The following KCNQ5 variants were observed in gnomAD, a reference collection of about 807,000 sequenced individuals.
The protein encoded by KCNQ5 is potassium voltage-gated channel subfamily Q member 5.
A neutral mutation model predicts 98.2 loss-of-function variants in KCNQ5; 30 were observed. That is an observed-to-expected ratio of 0.31 (90% CI 0.23 to 0.41). KCNQ5 has a LOEUF of 0.41. Ranked by LOEUF, KCNQ5 falls within the 10% of genes least tolerant of loss-of-function variation. KCNQ5 has a pLI of 1.00. For missense variants in KCNQ5, 835 were observed against 1,182.5 expected (o/e 0.71, Z 4.31); for synonymous variants, 458 against 449.4 (o/e 1.02, Z -0.24).
chr6:72,756,937 G>T (rs1216360861), intron 1 of KCNQ5, among the ~76,000 whole-genome samples: 1 of 151,936 alleles, frequency 6.6e-6, no homozygotes, highest in Non-Finnish European at 1.5e-5. Context: ...ATAGTTTTAG[G>T]ATTCTCTACA....
chr6:73,133,636 T>C lies in KCNQ5; in HGVS notation c.1463T>C (p.Ile488Thr). 2 of 1,614,166 alleles carry C rather than the reference T, an allele frequency of 1.2e-6. No homozygotes were observed. The highest frequency in any genetic ancestry group is 2.2e-5 in the South Asian group (2 of 91,084). Residue 488 changes from isoleucine to threonine, a missense_variant, in exon 10 of 14, where the codon ATA becomes ACA. This residue lies in a region of KCNQ5 where 146 missense variants were observed against 256.7 expected (regional missense o/e 0.57). Transcript: ENST00000370398. ...AAAAGTTCTCAGCCAAAACCAGTGA[T>C]AGATGGTAAGCCCTGTTTTTCCATA... ...RLKSSQPKPV[I>T]DADTALGTDD...
intron 3 of KCNQ5, among the ~76,000 whole-genome samples, chr6:73,067,869 T>C (rs1258245313): frequency 4.2e-3 from 2 of 480 alleles, no homozygotes; most frequent in Non-Finnish European, 0.023. Flanking sequence ...AAAAGATATA[T>C]ATATATATAT....
intron 1 of KCNQ5, among the ~76,000 whole-genome samples, chr6:72,815,774 A>T (rs1022685231): frequency 1.3e-5 from 2 of 152,192 alleles, no homozygotes; most frequent in East Asian, 1.9e-4. Context: ...GATAAAATTG[A>T]TATGACTCAT....
At chr6:73,087,295 A>G (rs1774026979) in intron 5 of KCNQ5, among the ~76,000 whole-genome samples, 1 of 152,196 alleles carries the variant, frequency 6.6e-6, no homozygotes, top group Non-Finnish European at 1.5e-5. Context: ...ACTTGCTGAT[A>G]GATTCCGTGG....
intron 1 of KCNQ5, among the ~76,000 whole-genome samples, chr6:72,743,419 C>G (rs1464095972): frequency 1.3e-5 from 2 of 151,888 alleles, no homozygotes; most frequent in Admixed American, 1.3e-4. Flanking sequence ...TACCAAGCAA[C>G]TTCGTAATTT....
At chr6:72,861,837 A>AC (rs1197517116) in intron 1 of KCNQ5, among the ~76,000 whole-genome samples, 2 of 151,130 alleles carry the variant, frequency 1.3e-5, no homozygotes, top group Non-Finnish European at 3.0e-5. Context: ...TAAAAAAAAA[A>AC]AACCTGGATC....
chr6:72,799,071 T>C (rs1328491245), intron 1 of KCNQ5, among the ~76,000 whole-genome samples: 1 of 152,092 alleles, frequency 6.6e-6, no homozygotes, highest in Non-Finnish European at 1.5e-5. Context: ...CAGTAAGATA[T>C]TTTATTTATA....
At chr6:73,128,021 CA>C (rs1342956568) in intron 9 of KCNQ5, among the ~76,000 whole-genome samples, 6 of 152,236 alleles carry the variant, frequency 3.9e-5, no homozygotes, top group Admixed American at 2.6e-4. Context: ...GCTGAGATCA[CA>C]CCACTGCACT....
intron 1 of KCNQ5, among the ~76,000 whole-genome samples, chr6:72,843,030 C>T (rs1459232002): frequency 4.6e-5 from 7 of 151,976 alleles, no homozygotes; most frequent in Admixed American, 1.3e-4. Flanking sequence ...CCATTGCTTT[C>T]GGTATTTTAG....
chr6:72,824,471 T>C (rs1231171295), intron 1 of KCNQ5, among the ~76,000 whole-genome samples: 1 of 152,148 alleles, frequency 6.6e-6, no homozygotes, highest in African/African-American at 2.4e-5. Context: ...TTTTTCTGTT[T>C]TTCACTTGGC....
intron 10 of KCNQ5, chr6:73,136,609 G>T (rs1776481643): frequency 6.6e-6 from 1 of 152,178 alleles, no homozygotes; most frequent in South Asian, 2.1e-4. Context: ...CTGTTCTGTT[G>T]AAATTACTTT....
At chr6:73,101,779 T>C (rs1774786895) in intron 5 of KCNQ5, among the ~76,000 whole-genome samples, 1 of 152,166 alleles carries the variant, frequency 6.6e-6, no homozygotes, top group Non-Finnish European at 1.5e-5. Context: ...ATATTTCATG[T>C]TCATGGATTA....
chr6:72,675,742 A>G (rs1418974793), intron 1 of KCNQ5, among the ~76,000 whole-genome samples: 1 of 151,944 alleles, frequency 6.6e-6, no homozygotes, highest in Non-Finnish European at 1.5e-5. Flanking sequence ...CCCTTATTTC[A>G]CTCTAGATTC....
chr6:72,940,631 A>G (rs542698883), intron 1 of KCNQ5, among the ~76,000 whole-genome samples: 10 of 152,344 alleles, frequency 6.6e-5, no homozygotes, highest in Non-Finnish European at 1.5e-4. Flanking sequence ...TTTCGTCAGA[A>G]TAATAAAGAC....
At chr6:73,012,395 A>G (rs1014027397) in intron 2 of KCNQ5, among the ~76,000 whole-genome samples, 2 of 152,160 alleles carry the variant, frequency 1.3e-5, no homozygotes, top group Admixed American at 6.6e-5. Flanking sequence ...TTCCACTTAT[A>G]TGAGTGAGAT....
chr6:72,656,933 A>C lies in KCNQ5; in HGVS notation c.398+34346A>C, dbSNP rs543908671. On this transcript the variant is annotated intron_variant, in intron 1 of 13. Transcript: ENST00000370398. The stretch of plus-strand genomic sequence containing the variant: ...ACCCAAACCCTGTGAATCAAGGTAC[A>C]TTTTAAAGCCTAATAAAATTATGGT... Among the ~76,000 whole-genome samples, 77 of 152,300 alleles carry C rather than the reference A, an allele frequency of 5.1e-4. 1 individual carries two copies. In the South Asian group the frequency reaches 8.9e-3, roughly 18 times the overall value.
At chr6:72,733,657 G>A (rs565961988) in intron 1 of KCNQ5, among the ~76,000 whole-genome samples, 2 of 152,318 alleles carry the variant, frequency 1.3e-5, no homozygotes, top group South Asian at 4.1e-4. Flanking sequence ...TGGAGAATAC[G>A]TGAAAGGATT....
chr6:73,125,927 A>G (rs1775972336), intron 9 of KCNQ5, among the ~76,000 whole-genome samples: 1 of 152,212 alleles, frequency 6.6e-6, no homozygotes, highest in Non-Finnish European at 1.5e-5. Context: ...TTTTTGACCA[A>G]AGAGAGGTTC....
chr6:72,706,746 G>T (rs144547051), intron 1 of KCNQ5, among the ~76,000 whole-genome samples: 345 of 152,130 alleles, frequency 2.3e-3, no homozygotes, highest in African/African-American at 7.9e-3. Flanking sequence ...TAATTTAACC[G>T]AAAAGGAGAC....
Sources: allele counts gnomAD v4.1 joint callset (sites outside exome capture counted in the v4.1 genomes callset), GRCh38; gene constraint gnomAD v4.1.1; regional missense constraint gnomAD v4.1.1; transcripts MANE v1.5; gene names NCBI Gene and HGNC (gene_info 2026-07-23, HGNC 2026-07-21).